The following POLR3B variants were observed in gnomAD, a reference collection of about 807,000 sequenced individuals.
The protein encoded by POLR3B is RNA polymerase III subunit B.
A neutral mutation model predicts 147.4 loss-of-function variants in POLR3B; 96 were observed. That is an observed-to-expected ratio of 0.65 (90% CI 0.55 to 0.77). POLR3B has a LOEUF of 0.77. Ranked by LOEUF, POLR3B falls within the 30% of genes least tolerant of loss-of-function variation. The pLI, the probability that POLR3B is intolerant of heterozygous loss-of-function variation, is 0.00. For missense variants in POLR3B, 1,036 were observed against 1,413.5 expected (o/e 0.73, Z 4.28); for synonymous variants, 461 against 485.9 (o/e 0.95, Z 0.67).
At chr12:106,474,675 G>A (rs2038139893) in intron 23 of POLR3B, among the ~76,000 whole-genome samples, 1 of 138,048 alleles carries the variant, frequency 7.2e-6, no homozygotes, top group Admixed American at 7.3e-5. Context: ...AGTATTCTCT[G>A]ATGGTAGTTT....
intron 12 of POLR3B, among the ~76,000 whole-genome samples, chr12:106,426,893 A>G: frequency 8.1e-6 from 1 of 123,884 alleles, no homozygotes; most frequent in South Asian, 2.8e-4. Context: ...TTATCTGTAA[A>G]ATTAAAAATT....
At chr12:106,431,300 A>T (rs746105377) in intron 14 of POLR3B, among the ~76,000 whole-genome samples, 1 of 152,210 alleles carries the variant, frequency 6.6e-6, no homozygotes, top group African/African-American at 2.4e-5. Flanking sequence ...CACTAAAATT[A>T]TCCAGTTTGT....
intron 27 of POLR3B, among the ~76,000 whole-genome samples, chr12:106,505,898 C>T (rs1379131517): frequency 6.6e-6 from 1 of 152,226 alleles, no homozygotes; most frequent in Non-Finnish European, 1.5e-5. Context: ...AACAAGTGGG[C>T]TCCTTAAAAC....
At chr12:106,372,920 T>A (rs957572701) in intron 6 of POLR3B, among the ~76,000 whole-genome samples, 1 of 152,242 alleles carries the variant, frequency 6.6e-6, no homozygotes, top group Non-Finnish European at 1.5e-5. Context: ...TATTTCTATC[T>A]TCCCATTACG....
At chr12:106,392,685 G>C (rs1438907792) in intron 9 of POLR3B, among the ~76,000 whole-genome samples, 1 of 152,172 alleles carries the variant, frequency 6.6e-6, no homozygotes, top group Non-Finnish European at 1.5e-5. Context: ...CCTTTTGGCT[G>C]TTTGTCTTTA....
chr12:106,451,838 T>C (rs1204923892), intron 19 of POLR3B, among the ~76,000 whole-genome samples: 1 of 152,212 alleles, frequency 6.6e-6, no homozygotes, highest in Non-Finnish European at 1.5e-5. Context: ...GTTTACCTTG[T>C]AGTGCCAGCT....
At position 106,437,067 on chromosome 12, in the gene POLR3B, A is replaced by G. The variant is rs2037586851; in HGVS notation, c.1792A>G (p.Ile598Val). ...CTGTTTCCATTCTAGACCCTACATA[A>G]TTGTCAAGAAACAGAAGCCAGCAGT... ...DGGRLCRPYI[I>V]VKKQKPAVTN... Residue 598 changes from isoleucine to valine, a missense_variant, in exon 17 of 28, where the codon ATT (isoleucine) becomes GTT (valine). Coordinates refer to ENST00000228347, the MANE Select transcript of POLR3B (RefSeq NM_018082.6). The G allele has an allele frequency of 2.5e-6, 4 of 1,613,136 alleles. No individual in the cohort carries two copies. Among genetic ancestry groups the G allele is most frequent in the Non-Finnish European group, 3.4e-6 (4 of 1,179,490 alleles).
At chr12:106,444,230 T>C (rs1341338183) in intron 18 of POLR3B, among the ~76,000 whole-genome samples, 1 of 152,198 alleles carries the variant, frequency 6.6e-6, no homozygotes, top group East Asian at 1.9e-4. Flanking sequence ...CATGTGAATA[T>C]TGTTGATGTA....
intron 18 of POLR3B, 106 bp from the exon 19 acceptor site, chr12:106,444,357 A>T: frequency 1.9e-6 from 2 of 1,065,292 alleles, no homozygotes; most frequent in Non-Finnish European, 2.9e-6. Flanking sequence ...TTTTATTGAC[A>T]TATAAATCCC....
intron 27 of POLR3B, among the ~76,000 whole-genome samples, chr12:106,505,374 A>G (rs1299031708): frequency 6.8e-6 from 1 of 146,738 alleles, no homozygotes; most frequent in Non-Finnish European, 1.5e-5. Flanking sequence ...TGCAGCCTCA[A>G]CCTCCCAGGC....
Position 106,457,233 on chromosome 12 carries a change from G to A in POLR3B, c.2389G>A (p.Ala797Thr). The A allele has an allele frequency of 2.5e-6, 4 of 1,613,524 alleles. No individual in the cohort carries two copies. The highest frequency in any genetic ancestry group is 3.4e-6 in the Non-Finnish European group (4 of 1,179,478). ...FDKVMGPMLD[A>T]ATRKPIWRHE... ...TAAAGTGATGGGGCCCATGTTGGATGCTGCTACAAGGAAACCTATCTGGCG... is the reference window on the plus strand; with the variant it reads ...TAAAGTGATGGGGCCCATGTTGGATACTGCTACAAGGAAACCTATCTGGCG... The change falls in exon 21 of 28, where the codon GCT (alanine) becomes ACT (threonine). Residue 797 changes from alanine to threonine, a missense_variant. Physicochemically the swap from Ala to Thr is moderately conservative, Grantham distance 58. Transcript: ENST00000228347.
chr12:106,404,768 T>G (rs936347116), intron 10 of POLR3B, among the ~76,000 whole-genome samples: 85 of 152,182 alleles, frequency 5.6e-4, no homozygotes, highest in Non-Finnish European at 1.3e-4. Flanking sequence ...TTTGTTTAGC[T>G]TTTATATTTA....
At chr12:106,451,641 GAGGAGAGGGGAGGGA>G (rs1248208378) in intron 19 of POLR3B, among the ~76,000 whole-genome samples, 4 of 126,566 alleles carry the variant, frequency 3.2e-5, no homozygotes, top group African/African-American at 9.2e-5. Flanking sequence ...GGCGGGGGGG[GAGGAGAGGGGAGGGA>G]AGGAGAGGGG....
Position 106,454,849 on chromosome 12 carries a change from GT to G in POLR3B, c.2293+142del, listed in dbSNP as rs2037844805. 1.2e-5 allele frequency: 8 copies of G among 661,374 alleles called. No individual in the cohort carries two copies. In the East Asian group the frequency reaches 2.2e-4, roughly 18 times the overall value. The allele number at this position is 661,374 out of a possible 1,614,324, so 41.0% of individuals were successfully genotyped here. A position where few individuals can be genotyped will look rare whatever the true frequency, so the allele number is the denominator to read the frequency against. ...TGATATAGAAACAGGAGGTGGTTGG[GT>G]TTTGATGTTGGCTTTCTTGTCATTT... is the stretch of plus-strand genomic sequence containing the variant. On this transcript the variant is annotated intron_variant, in intron 20 of 27. Transcript: ENST00000228347.
chr12:106,422,980 C>T (rs1204398161), intron 12 of POLR3B, among the ~76,000 whole-genome samples: 1 of 152,008 alleles, frequency 6.6e-6, no homozygotes. Context: ...TGATGTTTTT[C>T]AATAAAGATT....
intron 9 of POLR3B, among the ~76,000 whole-genome samples, chr12:106,390,645 T>TA (rs1008965984): frequency 7.8e-5 from 11 of 140,462 alleles, no homozygotes; most frequent in South Asian, 2.2e-4. Context: ...AATTGGAGGT[T>TA]AAAAAAAAAG....
At chr12:106,380,411 C>CAAAAA (rs147457953) in intron 9 of POLR3B, among the ~76,000 whole-genome samples, 1 of 98,992 alleles carries the variant, frequency 1.0e-5, no homozygotes, top group Admixed American at 1.1e-4. Flanking sequence ...CCATCTCTAC[C>CAAAAA]AAAAAAAAAA....
intron 19 of POLR3B, among the ~76,000 whole-genome samples, chr12:106,447,919 T>C (rs1233796501): frequency 1.3e-5 from 2 of 152,168 alleles, no homozygotes; most frequent in Non-Finnish European, 2.9e-5. Flanking sequence ...AGTTTCTTCC[T>C]TTATGTTCCG....
chr12:106,479,354 G>A (rs898440063), intron 23 of POLR3B, among the ~76,000 whole-genome samples: 1 of 150,286 alleles, frequency 6.7e-6, no homozygotes, highest in South Asian at 2.1e-4. Context: ...CTAATTAAAT[G>A]TTTAAAGTTA....
Sources: allele counts gnomAD v4.1 joint callset (sites outside exome capture counted in the v4.1 genomes callset), GRCh38; gene constraint gnomAD v4.1.1; transcripts MANE v1.5; gene names NCBI Gene and HGNC (gene_info 2026-07-23, HGNC 2026-07-21).